The following SEC14L6 variants were observed in gnomAD, a reference collection of about 807,000 sequenced individuals.
The protein encoded by SEC14L6 is SEC14-like protein 6.
SEC14L6 carries 40 observed loss-of-function variants against 54.1 expected under a neutral mutation model. The ratio of observed to expected loss-of-function variants is 0.74; its 90% CI spans 0.57 to 0.96. The LOEUF is 0.96. SEC14L6 is among the 40% of genes least tolerant of loss of function. The probability of loss-of-function intolerance (pLI) is 0.00; values close to 1 mark genes in which losing one functional copy is unlikely to be tolerated. For missense variants in SEC14L6, 471 were observed against 498.3 expected, an observed-to-expected ratio of 0.95 and a Z score of 0.52; for synonymous variants, 171 against 198.4, an observed-to-expected ratio of 0.86 and a Z score of 1.16.
At chr22:30,546,137 C>T (rs1164706116) in intron 1 of SEC14L6, among the ~76,000 whole-genome samples, 1 of 152,024 alleles carries the variant, frequency 6.6e-6, no homozygotes, top group Admixed American at 6.5e-5. Flanking sequence ...AATCCCAGCA[C>T]TCTGGGAGGC....
chr22:30,539,854 G>A (rs2085668083), intron 1 of SEC14L6, among the ~76,000 whole-genome samples: 2 of 152,172 alleles, frequency 1.3e-5, no homozygotes, highest in South Asian at 4.1e-4. Flanking sequence ...GAGTTGGTTA[G>A]GACAGTTCAG....
At position 30,538,940 on chromosome 22, in the gene SEC14L6, A is replaced by G. The variant is rs1200566841; in HGVS notation, c.55-38T>C. The G allele has an allele frequency of 2.1e-6, 3 of 1,433,714 alleles. No homozygotes were observed. In the East Asian group the frequency reaches 7.4e-5, roughly 36 times the overall value. The allele number at this position is 1,433,714 out of a possible 1,614,324, so 88.8% of individuals were successfully genotyped here. A position where few individuals can be genotyped will look rare whatever the true frequency, so the allele number is the denominator to read the frequency against. ...AGGGAGAGACCTGGGTCAGAGGCCAACCACCCTCGGTCCTGCAGGTCTCAA... is the reference window on the plus strand; with the variant it reads ...AGGGAGAGACCTGGGTCAGAGGCCAGCCACCCTCGGTCCTGCAGGTCTCAA... On this transcript the variant is annotated intron_variant, in intron 1 of 11. Coordinates refer to ENST00000402034, the MANE Select transcript of SEC14L6 (RefSeq NM_001193336.4).
At chr22:30,546,562 A>C (rs1472433466) in intron 1 of SEC14L6, 67 bp downstream of exon 1, 1 of 1,431,092 alleles carries the variant, frequency 7.0e-7, no homozygotes, top group Non-Finnish European at 9.6e-7. Flanking sequence ...AGGGACCTTG[A>C]GTCCTGCCCT....
chr22:30,539,994 G>GC (rs2085670814), intron 1 of SEC14L6, among the ~76,000 whole-genome samples: 3 of 152,240 alleles, frequency 2.0e-5, no homozygotes, highest in Non-Finnish European at 2.9e-5. Flanking sequence ...CGGACAAAGA[G>GC]TCAGCAGGTC....
At chr22:30,527,468 C>T (rs1936812937) in intron 8 of SEC14L6, among the ~76,000 whole-genome samples, 3 of 151,870 alleles carry the variant, frequency 2.0e-5, no homozygotes, top group African/African-American at 7.3e-5. Flanking sequence ...CCAACCTTGG[C>T]AAGAGTGTGG....
At chr22:30,538,243 G>T (rs1354175510) in intron 2 of SEC14L6, among the ~76,000 whole-genome samples, 1 of 151,334 alleles carries the variant, frequency 6.6e-6, no homozygotes, top group Non-Finnish European at 1.5e-5. Context: ...TGAGGCACAA[G>T]AATTGCTTGA....
At chr22:30,544,886 T>C (rs2085782642) in intron 1 of SEC14L6, among the ~76,000 whole-genome samples, 1 of 152,128 alleles carries the variant, frequency 6.6e-6, no homozygotes, top group Non-Finnish European at 1.5e-5. Context: ...TTAGAAAACT[T>C]GATCTGTGGT....
intron 2 of SEC14L6, among the ~76,000 whole-genome samples, chr22:30,538,281 C>T (rs1391923941): frequency 2.7e-5 from 4 of 150,576 alleles, no homozygotes; most frequent in East Asian, 1.9e-4. Context: ...TGCAGTGAGC[C>T]GAGATCACGC....
chr22:30,542,570 C>T, intron 1 of SEC14L6: 1 of 1,427,604 alleles, frequency 7.0e-7, no homozygotes, highest in Non-Finnish European at 9.1e-7. Flanking sequence ...GTAGCCGCGG[C>T]CCATGGAGCC....
At chr22:30,533,550 A>G (rs4820862) in intron 3 of SEC14L6, among the ~76,000 whole-genome samples, 106,403 of 151,080 alleles carry the variant, frequency 0.7, 37,803 homozygotes, top group Middle Eastern at 0.78. Context: ...GCAGTGAGCT[A>G]AGATCACGTC....
chr22:30,526,801 T>C (rs1335813747), intron 8 of SEC14L6, among the ~76,000 whole-genome samples: 2 of 152,040 alleles, frequency 1.3e-5, no homozygotes, highest in Admixed American at 6.6e-5. Flanking sequence ...ATGCCACAAA[T>C]ATGACAGGAA....
chr22:30,533,987 C>G lies in SEC14L6; in HGVS notation c.174+9G>C. On this transcript the variant is annotated intron_variant, in intron 3 of 11. Transcript: ENST00000402034. The stretch of plus-strand genomic sequence containing the variant: ...GACCAGGCTAGGCAGGGGGAGGTGT[C>G]AACCTCACCTTCCTCAGCATGTCCT... 1 of 1,550,210 alleles carries G rather than the reference C, an allele frequency of 6.5e-7. No homozygotes were observed.
chr22:30,540,715 C>CAA (rs60313942), intron 1 of SEC14L6, among the ~76,000 whole-genome samples: 14,091 of 134,922 alleles, frequency 0.1, 871 homozygotes, highest in Non-Finnish European at 0.14. Flanking sequence ...GACCCTGTCT[C>CAA]AAAAAAAAAA....
At chr22:30,543,320 A>T in intron 1 of SEC14L6, 1 of 1,573,762 alleles carries the variant, frequency 6.4e-7, no homozygotes, top group Non-Finnish European at 8.7e-7. Flanking sequence ...GAGACTATCC[A>T]AGTTCCACCC....
intron 1 of SEC14L6, among the ~76,000 whole-genome samples, chr22:30,541,697 G>C (rs2085716593): frequency 6.6e-6 from 1 of 152,068 alleles, no homozygotes; most frequent in African/African-American, 2.4e-5. Context: ...AGCTGGGTGT[G>C]GTGTGCGTGC....
At position 30,524,800 on chromosome 22, in the gene SEC14L6, G is replaced by A. The variant is rs1173481949; in HGVS notation, c.*197C>T. 1 of 548,680 alleles carries A rather than the reference G, an allele frequency of 1.8e-6. No homozygotes were observed. Among genetic ancestry groups the A allele is most frequent in the Non-Finnish European group, 3.3e-6 (1 of 303,648 alleles). 34.0% of individuals were successfully genotyped at this position (548,680 alleles called of 1,614,324 possible). On this transcript the variant is annotated 3_prime_UTR_variant, in exon 12 of 12. Transcript: ENST00000402034. ...GGGGATGGAGTGTCTGTGTTGCTTT[G>A]CTGTGACCATCGGGCCACCACTAGG...
At chr22:30,535,802 C>A (rs1337824535) in intron 2 of SEC14L6, among the ~76,000 whole-genome samples, 1 of 152,088 alleles carries the variant, frequency 6.6e-6, no homozygotes, top group Non-Finnish European at 1.5e-5. Flanking sequence ...CCTCAACTTC[C>A]CAGGCTCAAG....
chr22:30,531,123 G>A (rs1170577132), intron 6 of SEC14L6, among the ~76,000 whole-genome samples: 1 of 152,086 alleles, frequency 6.6e-6, no homozygotes, highest in East Asian at 1.9e-4. Flanking sequence ...GTAAGGAACT[G>A]TAGGCCAGGT....
At chr22:30,531,593 G>A (rs1276942586) in intron 6 of SEC14L6, among the ~76,000 whole-genome samples, 6 of 152,032 alleles carry the variant, frequency 3.9e-5, no homozygotes, top group African/African-American at 1.2e-4. Flanking sequence ...GCATGGTGGC[G>A]CATGTCTGCA....
Sources: gnomAD v4.1 joint callset for allele counts (sites outside exome capture counted in the v4.1 genomes callset) on GRCh38, gnomAD v4.1.1 for gene constraint, MANE v1.5 for transcripts, NCBI Gene and HGNC (gene_info 2026-07-23, HGNC 2026-07-21) for gene names.